The following LMBR1 variants were observed in gnomAD, a reference collection of about 807,000 sequenced individuals.
The protein encoded by LMBR1 is limb region 1 protein homolog.
A neutral mutation model predicts 73.9 loss-of-function variants in LMBR1; 52 were observed. The observed-to-expected ratio is 0.70, with a 90% confidence interval of 0.56 to 0.89. LMBR1 has a LOEUF of 0.89. LMBR1 is among the 40% of genes least tolerant of loss of function. The pLI is 0.00. For synonymous variants in LMBR1, 215 were observed against 209.4 expected (o/e 1.03, Z -0.23); for missense variants, 539 against 579.8 (o/e 0.93, Z 0.72).
chr7:156,690,535 G>T (rs966562467), intron 15 of LMBR1, among the ~76,000 whole-genome samples: 5 of 152,174 alleles, frequency 3.3e-5, no homozygotes, highest in African/African-American at 1.2e-4. Context: ...ACGGGAAAGT[G>T]CTTTCACTAG....
At chr7:156,697,216 A>T (rs1808478434) in intron 15 of LMBR1, among the ~76,000 whole-genome samples, 1 of 152,138 alleles carries the variant, frequency 6.6e-6, no homozygotes, top group South Asian at 2.1e-4. Context: ...TACAAAGATC[A>T]CATGCTTCAA....
chr7:156,684,774 T>C (rs1056338597), intron 16 of LMBR1, among the ~76,000 whole-genome samples: 2 of 152,174 alleles, frequency 1.3e-5, no homozygotes, highest in African/African-American at 2.4e-5. Context: ...CTGGGCAACA[T>C]TGTGAAACCC....
At chr7:156,676,182 C>G, downstream of LMBR1, 2 of 1,277,104 alleles carry the variant, frequency 1.6e-6, no homozygotes, top group Non-Finnish European at 2.1e-6. Flanking sequence ...TTGGATGTTG[C>G]TTATCACAGG....
In LMBR1 at chr7:156,804,812, A is replaced by C. The variant is rs1831704339; in HGVS notation, c.320-8320T>G. ...TGTAGACTCTCTTTATTCTCTTAAC[A>C]GTATCTTTAAAGAACAAAATTTATT... is the stretch of plus-strand genomic sequence containing the variant. On this transcript the variant is annotated intron_variant, in intron 4 of 16. Coordinates refer to ENST00000353442, the MANE Select transcript of LMBR1 (RefSeq NM_022458.4). Among the ~76,000 whole-genome samples the C allele has an allele frequency of 5.7e-5, 7 of 123,196 alleles. 1 individual carries two copies. The South Asian group carries it at 1.7e-3, about 30-fold the overall frequency. The allele number at this position is 123,196 out of a possible 152,430, so 80.8% of individuals were successfully genotyped here. A position where few individuals can be genotyped will look rare whatever the true frequency, so the allele number is the denominator to read the frequency against.
intron 5 of LMBR1, among the ~76,000 whole-genome samples, chr7:156,771,235 G>C (rs1825118082): frequency 6.6e-6 from 1 of 152,022 alleles, no homozygotes. Flanking sequence ...AATCAGAGCT[G>C]TTCTGAATGA....
chr7:156,817,803 T>C lies in LMBR1; in HGVS notation c.319+8802A>G, dbSNP rs370170327. On this transcript the variant is annotated intron_variant, in intron 4 of 16. Coordinates refer to ENST00000353442, the MANE Select transcript of LMBR1 (RefSeq NM_022458.4). ...ATTTTTTGATGCAGCTACCTACACA[T>C]GTACTCTTTTTTCTTTTTACAAAAT... Among the ~76,000 whole-genome samples, 8 of 152,320 alleles carry C rather than the reference T, an allele frequency of 5.3e-5. No individual in the cohort carries two copies. In the East Asian group the frequency reaches 1.3e-3, roughly 26 times the overall value.
At chr7:156,871,186 TAGA>T (rs1006949256) in intron 1 of LMBR1, among the ~76,000 whole-genome samples, 3 of 152,082 alleles carry the variant, frequency 2.0e-5, no homozygotes, top group Non-Finnish European at 4.4e-5. Context: ...CTGGATAATC[TAGA>T]AGAAATGAAT....
chr7:156,694,256 C>G (rs1204997204), intron 15 of LMBR1, among the ~76,000 whole-genome samples: 1 of 152,106 alleles, frequency 6.6e-6, no homozygotes, highest in Non-Finnish European at 1.5e-5. Flanking sequence ...CCTCAGCCTT[C>G]CAGGTAGTTG....
chr7:156,764,552 C>T (rs777672067), intron 5 of LMBR1, among the ~76,000 whole-genome samples: 1 of 152,148 alleles, frequency 6.6e-6, no homozygotes, highest in Non-Finnish European at 1.5e-5. Context: ...TGAATCTGCA[C>T]CTATAAGTTA....
intron 15 of LMBR1, among the ~76,000 whole-genome samples, chr7:156,699,353 T>G (rs1431272017): frequency 6.6e-6 from 1 of 152,054 alleles, no homozygotes; most frequent in African/African-American, 2.4e-5. Context: ...GCTAGCCATA[T>G]GTAGAAAGCT....
intron 4 of LMBR1, among the ~76,000 whole-genome samples, chr7:156,800,169 G>A (rs1247781796): frequency 6.6e-6 from 1 of 152,170 alleles, no homozygotes; most frequent in African/African-American, 2.4e-5. Flanking sequence ...GATTTTCAAG[G>A]TAGACAAAAA....
Position 156,690,812 on chromosome 7 carries a change from A to G in LMBR1, c.1226-2621T>C, listed in dbSNP as rs138865155. 9.2e-5 allele frequency among the ~76,000 whole-genome samples: 14 copies of G among 152,354 alleles called. No individual in the cohort carries two copies. The East Asian group carries it at 2.5e-3, about 27-fold the overall frequency. ...GATTGACTAACAGATCACTCTGACC[A>G]ACACACAGTTCTTCAATTCTGAAAA... is the stretch of plus-strand genomic sequence containing the variant. On this transcript the variant is annotated intron_variant, in intron 15 of 16. Transcript: ENST00000353442.
chr7:156,693,421 AAAGAG>A (rs1208881488), intron 15 of LMBR1, among the ~76,000 whole-genome samples: 2 of 152,144 alleles, frequency 1.3e-5, no homozygotes, highest in Non-Finnish European at 2.9e-5. Flanking sequence ...AGACTAACTC[AAAGAG>A]AAGTCAGAAA....
intron 5 of LMBR1, among the ~76,000 whole-genome samples, chr7:156,772,553 G>A (rs750329052): frequency 6.6e-6 from 1 of 152,056 alleles, no homozygotes; most frequent in Non-Finnish European, 1.5e-5. Context: ...TCTGGCAAGA[G>A]AAAGAAATAA....
intron 15 of LMBR1, among the ~76,000 whole-genome samples, chr7:156,713,633 G>T (rs551118364): frequency 6.6e-6 from 1 of 152,118 alleles, no homozygotes; most frequent in Non-Finnish European, 1.5e-5. Context: ...GAACACGAGC[G>T]GAGTCTGAGG....
intron 9 of LMBR1, among the ~76,000 whole-genome samples, chr7:156,740,938 A>G (rs1818774040): frequency 6.6e-6 from 1 of 152,204 alleles, no homozygotes; most frequent in African/African-American, 2.4e-5. Context: ...AATAATAACT[A>G]CAACAACTTT....
At chr7:156,800,164 TCAAGGTAGA>T (rs1339175201) in intron 4 of LMBR1, among the ~76,000 whole-genome samples, 1 of 152,206 alleles carries the variant, frequency 6.6e-6, no homozygotes, top group East Asian at 1.9e-4. Context: ...CAACAGATTT[TCAAGGTAGA>T]CAAAAACAGC....
intron 5 of LMBR1, among the ~76,000 whole-genome samples, chr7:156,776,985 G>A (rs1339410891): frequency 6.6e-6 from 1 of 150,856 alleles, no homozygotes; most frequent in African/African-American, 2.4e-5. Flanking sequence ...AGGCTGGAGC[G>A]CAGTGGCACG....
chr7:156,751,552 T>C (rs761920316), intron 9 of LMBR1, among the ~76,000 whole-genome samples: 3 of 152,116 alleles, frequency 2.0e-5, no homozygotes, highest in African/African-American at 2.4e-5. Flanking sequence ...TCAGAGACTC[T>C]CTCTGACTCA....
Sources: allele counts gnomAD v4.1 joint callset (sites outside exome capture counted in the v4.1 genomes callset), GRCh38; gene constraint gnomAD v4.1.1; transcripts MANE v1.5; gene names NCBI Gene and HGNC (gene_info 2026-07-23, HGNC 2026-07-21).